The following CCNY variants were observed in gnomAD, a reference collection of about 807,000 sequenced individuals.
CCNY encodes the protein cyclin Y.
CCNY carries 19 observed loss-of-function variants against 42.8 expected under a neutral mutation model. The ratio of observed to expected loss-of-function variants is 0.44; its 90% CI spans 0.31 to 0.65. The LOEUF (loss-of-function observed/expected upper bound fraction) is 0.65. CCNY is among the 30% of genes least tolerant of loss of function. The probability of loss-of-function intolerance (pLI) is 0.07; values close to 1 mark genes in which losing one functional copy is unlikely to be tolerated. For synonymous variants in CCNY, 165 were observed against 162.7 expected (o/e 1.01, Z -0.11); for missense variants, 370 against 437.3 (o/e 0.85, Z 1.37).
rs1176683740 is a variant in CCNY at position 35,483,486 on chromosome 10, C to G, written c.229+8C>G. 5 of 1,559,870 alleles carry G rather than the reference C, an allele frequency of 3.2e-6. No homozygotes were observed. In the South Asian group the frequency reaches 5.7e-5, roughly 18 times the overall value. ...GTAAATCTCAGACGGACGGTAGGTC[C>G]TTAATTTATGTTTCTTTTTGTAAAA... On this transcript the variant is annotated splice_region_variant and intron_variant, in intron 2 of 9. Transcript: ENST00000374704.
At chr10:35,466,294 A>G (rs1839268362) in intron 1 of CCNY, among the ~76,000 whole-genome samples, 1 of 152,116 alleles carries the variant, frequency 6.6e-6, no homozygotes, top group African/African-American at 2.4e-5. Context: ...GGTGAGAGCC[A>G]GTGGCTTCCC....
rs1197554680 is a variant in CCNY, at chr10:35,270,827, G to T, written c.-9+20201G>T. ...TGCAAGCTCTGCCTCCCGGGTTCAT[G>T]CCAGTCTCCTGCCTCAGCCTCCCAA... On this transcript the variant is annotated intron_variant, in intron 3 of 11. Coordinates refer to the CCNY transcript ENST00000374706. Among the ~76,000 whole-genome samples the T allele has an allele frequency of 8.1e-5, 12 of 148,256 alleles. No homozygotes were observed. In the Admixed American group the frequency reaches 8.3e-4, roughly 10 times the overall value.
chr10:35,249,603 A>G (rs948784172), intron 2 of CCNY, among the ~76,000 whole-genome samples: 2 of 152,254 alleles, frequency 1.3e-5, no homozygotes, highest in Admixed American at 6.5e-5. Context: ...ATACTGCTAT[A>G]TTCTGGAATG....
intron 1 of CCNY, among the ~76,000 whole-genome samples, chr10:35,340,747 G>GC (rs1836161725): frequency 6.6e-6 from 1 of 152,034 alleles, no homozygotes; most frequent in Admixed American, 6.6e-5. Context: ...CAAGTGATCT[G>GC]CCCGCCTCAG....
intron 3 of CCNY, among the ~76,000 whole-genome samples, chr10:35,287,416 G>A (rs1347336395): frequency 6.6e-6 from 1 of 152,068 alleles, no homozygotes; most frequent in Non-Finnish European, 1.5e-5. Context: ...AAACACATCT[G>A]CATAATAACC....
chr10:35,481,772 C>T (rs1839674540), intron 1 of CCNY, among the ~76,000 whole-genome samples: 1 of 152,182 alleles, frequency 6.6e-6, no homozygotes, highest in South Asian at 2.1e-4. Context: ...GCCCTCAAAA[C>T]ATTTAGTAAC....
At chr10:35,255,598 A>G (rs774613448) in intron 3 of CCNY, among the ~76,000 whole-genome samples, 1 of 151,762 alleles carries the variant, frequency 6.6e-6, no homozygotes. Context: ...ACACCCAACA[A>G]ATGTTTATAA....
At chr10:35,387,958 T>G (rs1442704771) in intron 1 of CCNY, among the ~76,000 whole-genome samples, 1 of 152,158 alleles carries the variant, frequency 6.6e-6, no homozygotes, top group Admixed American at 6.5e-5. Flanking sequence ...TTCACTTACT[T>G]GAGATGACTT....
chr10:35,277,585 T>C (rs1205862563), intron 3 of CCNY, among the ~76,000 whole-genome samples: 4 of 152,224 alleles, frequency 2.6e-5, no homozygotes, highest in Non-Finnish European at 4.4e-5. Flanking sequence ...CCAACTGTCC[T>C]GAGCCTGTCG....
intron 8 of CCNY, among the ~76,000 whole-genome samples, chr10:35,558,588 A>T (rs1443812013): frequency 2.0e-5 from 3 of 152,144 alleles, no homozygotes; most frequent in African/African-American, 7.2e-5. Flanking sequence ...ATATTTGGAG[A>T]TATATTTTTT....
chr10:35,465,079 ATGGT>A (rs780027013), intron 1 of CCNY, among the ~76,000 whole-genome samples: 13 of 152,176 alleles, frequency 8.5e-5, no homozygotes, highest in Non-Finnish European at 1.9e-4. Context: ...ATTTGAGTTA[ATGGT>A]TGGTCCTTGC....
chr10:35,365,461 A>C (rs1294444623), intron 1 of CCNY, among the ~76,000 whole-genome samples: 1 of 152,182 alleles, frequency 6.6e-6, no homozygotes, highest in Non-Finnish European at 1.5e-5. Context: ...TACTACTTGA[A>C]AAAATGTTGA....
chr10:35,485,754 A>G (rs954606863), intron 2 of CCNY, among the ~76,000 whole-genome samples: 1 of 151,026 alleles, frequency 6.6e-6, no homozygotes, highest in Non-Finnish European at 1.5e-5. Flanking sequence ...AAAAAAAAAC[A>G]CGTAGATTTG....
chr10:35,255,633 C>T (rs183485595), intron 3 of CCNY, among the ~76,000 whole-genome samples: 16 of 152,152 alleles, frequency 1.1e-4, no homozygotes, highest in African/African-American at 3.6e-4. Context: ...CTCTCTCTGC[C>T]GCCCAGGCTG....
intron 1 of CCNY, among the ~76,000 whole-genome samples, chr10:35,412,306 A>G (rs950618008): frequency 1.3e-5 from 2 of 152,246 alleles, no homozygotes; most frequent in Non-Finnish European, 2.9e-5. Flanking sequence ...TTGATTGCCT[A>G]TAAAAAATTA....
At chr10:35,541,760 C>T (rs1276466655) in intron 7 of CCNY, among the ~76,000 whole-genome samples, 1 of 151,914 alleles carries the variant, frequency 6.6e-6, no homozygotes, top group African/African-American at 2.4e-5. Flanking sequence ...TACCCAGCAT[C>T]CCTTTTCTTC....
intron 1 of CCNY, among the ~76,000 whole-genome samples, chr10:35,423,708 C>T (rs1016181137): frequency 2.0e-5 from 3 of 152,074 alleles, no homozygotes; most frequent in African/African-American, 7.2e-5. Context: ...AGAACTTTGA[C>T]CTGCCTCAGT....
At chr10:35,568,713 C>A (rs377755464) in intron 9 of CCNY, among the ~76,000 whole-genome samples, 1 of 152,212 alleles carries the variant, frequency 6.6e-6, no homozygotes, top group Non-Finnish European at 1.5e-5. Context: ...GGTGAGGACG[C>A]CAAGGATTCA....
At chr10:35,560,533 T>TA (rs771528385) in intron 8 of CCNY, among the ~76,000 whole-genome samples, 8 of 152,168 alleles carry the variant, frequency 5.3e-5, no homozygotes, top group Non-Finnish European at 1.0e-4. Context: ...CCTCAGGAGA[T>TA]ACCAGTCTGC....
Sources: gnomAD v4.1 joint callset for allele counts (sites outside exome capture counted in the v4.1 genomes callset) on GRCh38, gnomAD v4.1.1 for gene constraint, MANE v1.5 for transcripts, NCBI Gene and HGNC (gene_info 2026-07-23, HGNC 2026-07-21) for gene names.